Variants in AFF3 observed in about 807,000 individuals in gnomAD.
AFF3 encodes AF4/FMR2 family member 3.
A neutral mutation model predicts 129.7 loss-of-function variants in AFF3; 32 were observed. That is an observed-to-expected ratio of 0.25 (90% confidence interval 0.19 to 0.33). The LOEUF is 0.33. AFF3 is among the 10% of genes least tolerant of loss of function. The pLI is 1.00. For missense variants in AFF3, 1,373 were observed against 1,592.0 expected, an observed-to-expected ratio of 0.86 and a Z score of 2.34; for synonymous variants, 644 against 635.4, an observed-to-expected ratio of 1.01 and a Z score of -0.20.
intron 7 of AFF3, among the ~76,000 whole-genome samples, chr2:99,887,866 T>C (rs540106171): frequency 6.6e-6 from 1 of 152,268 alleles, no homozygotes; most frequent in South Asian, 2.1e-4. Flanking sequence ...AGGTAGGTAA[T>C]TGCTCCAGAT....
chr2:99,906,721 T>C (rs1326673354), intron 7 of AFF3, among the ~76,000 whole-genome samples: 1 of 152,056 alleles, frequency 6.6e-6, no homozygotes, highest in African/African-American at 2.4e-5. Context: ...CCGGACCACA[T>C]GTTTCTTTCT....
chr2:99,763,407 G>T lies in AFF3; in HGVS notation c.922-11106C>A, dbSNP rs577035279. On this transcript the variant is annotated intron_variant, in intron 8 of 24. Coordinates refer to ENST00000672756, the MANE Select transcript of AFF3 (RefSeq NM_001386135.1). The stretch of plus-strand genomic sequence containing the variant: ...ATATCGATTAATATTAACAGGCCAG[G>T]AACAGTAGCTCACGCCTGTAATCCC... Among the ~76,000 whole-genome samples the T allele has an allele frequency of 5.3e-4, 81 of 152,270 alleles. No individual in the cohort carries two copies. The South Asian group carries it at 0.017, about 31-fold the overall frequency.
chr2:100,017,715 C>T (rs1319858538), intron 4 of AFF3, among the ~76,000 whole-genome samples: 1 of 152,172 alleles, frequency 6.6e-6, no homozygotes, highest in Non-Finnish European at 1.5e-5. Context: ...TTTAAAACCC[C>T]AAGAGGCATT....
At chr2:99,582,243 C>G (rs1309582232) in intron 17 of AFF3, among the ~76,000 whole-genome samples, 1 of 152,138 alleles carries the variant, frequency 6.6e-6, no homozygotes, top group African/African-American at 2.4e-5. Flanking sequence ...AAGCAACTGG[C>G]CCAAGATCAC....
Position 99,547,631 on chromosome 2 carries a change from T to C in AFF3, c.*3843A>G, listed in dbSNP as rs145341496. The C allele has an allele frequency of 8.4e-3, 1,757 of 208,870 alleles. 7 individuals are homozygous for C. Among genetic ancestry groups the C allele is most frequent in the Middle Eastern group, 0.016 (10 of 620 alleles). The allele number at this position is 208,870 out of a possible 1,614,324, so 12.9% of individuals were successfully genotyped here. A position where few individuals can be genotyped will look rare whatever the true frequency, so the allele number is the denominator to read the frequency against. On this transcript the variant is annotated 3_prime_UTR_variant, in exon 25 of 25. Coordinates refer to ENST00000672756, the MANE Select transcript of AFF3 (RefSeq NM_001386135.1). Reference sequence around the variant, plus strand: ...TCATAAATAATGTTGGCTGCACTGATTAATTTTATAACAATTACTGCACTT... The same window carrying C: ...TCATAAATAATGTTGGCTGCACTGACTAATTTTATAACAATTACTGCACTT...
At chr2:99,614,720 G>A (rs1237662159) in intron 13 of AFF3, among the ~76,000 whole-genome samples, 1 of 152,168 alleles carries the variant, frequency 6.6e-6, no homozygotes, top group Admixed American at 6.5e-5. Context: ...ACTGACATTT[G>A]CTAAGAAATA....
At chr2:99,565,455 C>G in intron 20 of AFF3, 32 bp downstream of exon 20, 1 of 1,607,530 alleles carries the variant, frequency 6.2e-7, no homozygotes, top group East Asian at 2.2e-5. Context: ...CCTCACTCCT[C>G]CCCTCATCCA....
intron 8 of AFF3, among the ~76,000 whole-genome samples, chr2:99,818,444 G>C (rs927267805): frequency 7.2e-5 from 11 of 152,140 alleles, no homozygotes; most frequent in African/African-American, 2.2e-4. Context: ...CATGGTAAAT[G>C]AATGTCAATC....
At chr2:99,581,472 C>A (rs951128768) in intron 17 of AFF3, among the ~76,000 whole-genome samples, 1 of 151,930 alleles carries the variant, frequency 6.6e-6, no homozygotes, top group African/African-American at 2.4e-5. Context: ...TAAAGTGTTA[C>A]ACACTGCTCC....
At chr2:99,572,004 T>C (rs1239894372) in intron 18 of AFF3, among the ~76,000 whole-genome samples, 1 of 152,202 alleles carries the variant, frequency 6.6e-6, no homozygotes, top group African/African-American at 2.4e-5. Flanking sequence ...TTTTTTAACA[T>C]GGAAAACCTA....
chr2:99,872,388 T>C (rs1354361447), intron 7 of AFF3, among the ~76,000 whole-genome samples: 1 of 151,910 alleles, frequency 6.6e-6, no homozygotes, highest in Non-Finnish European at 1.5e-5. Flanking sequence ...TCAAACGATG[T>C]GGAGACAAGC....
intron 7 of AFF3, among the ~76,000 whole-genome samples, chr2:99,964,245 A>C (rs1677509182): frequency 6.6e-6 from 1 of 152,172 alleles, no homozygotes; most frequent in South Asian, 2.1e-4. Flanking sequence ...TGTACATCAC[A>C]ATCAACCAAG....
At chr2:99,918,806 GGTT>G (rs2106236509) in intron 7 of AFF3, among the ~76,000 whole-genome samples, 1 of 152,256 alleles carries the variant, frequency 6.6e-6, no homozygotes, top group East Asian at 1.9e-4. Context: ...CATTTTCAAA[GGTT>G]GTTATACAAA....
At chr2:99,727,246 G>T in intron 10 of AFF3, 118 bp from the exon 11 acceptor site, 1 of 1,052,266 alleles carries the variant, frequency 9.5e-7, no homozygotes. Context: ...TGTAGCAGGA[G>T]GCTTTTAAAA....
intron 11 of AFF3, among the ~76,000 whole-genome samples, chr2:99,692,004 T>C (rs1675714014): frequency 6.6e-6 from 1 of 152,242 alleles, no homozygotes. Flanking sequence ...TGTACATTTC[T>C]GAACAGCCTT....
In AFF3 at chr2:99,916,159, C is replaced by G. The variant is rs563870456; in HGVS notation, c.874-78635G>C. ...TTCAGCGTTTCAAAGTGGGGTGGCCCTACAGGAGAGCTCAGTTAAAAGAAA... is the reference window on the plus strand; with the variant it reads ...TTCAGCGTTTCAAAGTGGGGTGGCCGTACAGGAGAGCTCAGTTAAAAGAAA... On this transcript the variant is annotated intron_variant, in intron 7 of 24. Transcript: ENST00000672756. Among the ~76,000 whole-genome samples the G allele has an allele frequency of 1.9e-4, 29 of 152,226 alleles. No homozygotes were observed. The South Asian group carries it at 5.6e-3, about 29-fold the overall frequency.
chr2:99,622,699 TTGGA>T (rs960488834), intron 13 of AFF3, among the ~76,000 whole-genome samples: 1 of 152,120 alleles, frequency 6.6e-6, no homozygotes, highest in Admixed American at 6.5e-5. Context: ...CCCAGCCTGA[TTGGA>T]TGGAGTCCTC....
chr2:99,652,274 G>A (rs1685330756), intron 12 of AFF3, among the ~76,000 whole-genome samples: 1 of 152,134 alleles, frequency 6.6e-6, no homozygotes, highest in African/African-American at 2.4e-5. Flanking sequence ...CTCTCAACCG[G>A]GGCACCCATG....
intron 8 of AFF3, among the ~76,000 whole-genome samples, chr2:99,788,793 C>T (rs756071070): frequency 9.2e-5 from 14 of 152,186 alleles, no homozygotes; most frequent in Admixed American, 3.9e-4. Flanking sequence ...GTCCTGTAAG[C>T]TCCTTTCGTG....
Sources: gnomAD v4.1 joint callset for allele counts (sites outside exome capture counted in the v4.1 genomes callset) on GRCh38, gnomAD v4.1.1 for gene constraint, MANE v1.5 for transcripts, NCBI Gene and HGNC (gene_info 2026-07-23, HGNC 2026-07-21) for gene names.